SS18: variants seen among roughly 807,000 people sequenced by gnomAD.
The protein encoded by SS18 is SS18 subunit of BAF chromatin remodeling complex.
A neutral mutation model predicts 72.5 loss-of-function variants in SS18; 28 were observed. That is an observed-to-expected ratio of 0.39 (90% CI 0.29 to 0.53). The LOEUF (loss-of-function observed/expected upper bound fraction) is 0.53. Among genes scored for constraint, SS18 ranks in the 20% least tolerant of loss-of-function variants. The pLI is 0.76. For synonymous variants in SS18, 172 were observed against 164.2 expected (o/e 1.05, Z -0.37); for missense variants, 518 against 535.3 (o/e 0.97, Z 0.32).
chr18:26,065,813 ATATATATATATG>A (rs1249130010), intron 3 of SS18, among the ~76,000 whole-genome samples: 1 of 114,282 alleles, frequency 8.8e-6, no homozygotes, highest in Non-Finnish European at 1.7e-5. Flanking sequence ...ATATATATAT[ATATATATATATG>A]ATCATTTTAA....
In SS18 at chr18:26,052,849, T is replaced by G. The variant is rs199647430; in HGVS notation, c.386-4A>C. On this transcript the variant is annotated splice_region_variant and splice_polypyrimidine_tract_variant and intron_variant, in intron 4 of 10. Transcript: ENST00000415083. Reference sequence around the variant, plus strand: ...TGCATAGGCATATGGTTAGGCCCTTTGAAGAAAAATGATCAGAAGCAAAAT... The same window carrying G: ...TGCATAGGCATATGGTTAGGCCCTTGGAAGAAAAATGATCAGAAGCAAAAT... 2 of 1,609,190 alleles carry G rather than the reference T, an allele frequency of 1.2e-6. No homozygotes were observed. Among genetic ancestry groups the G allele is most frequent in the Middle Eastern group, 3.3e-4 (2 of 6,046 alleles).
At chr18:26,080,761 T>C (rs1259710145) in intron 2 of SS18, among the ~76,000 whole-genome samples, 9 of 152,140 alleles carry the variant, frequency 5.9e-5, no homozygotes, top group Admixed American at 2.0e-4. Context: ...ACCACATTTT[T>C]CCTATCATCT....
chr18:26,027,964 A>G (rs933580301), intron 10 of SS18, among the ~76,000 whole-genome samples: 14 of 152,102 alleles, frequency 9.2e-5, no homozygotes, highest in African/African-American at 3.4e-4. Flanking sequence ...ACTAAGCTTC[A>G]TCAAAATTTA....
At chr18:26,053,627 C>T (rs561287408) in intron 4 of SS18, among the ~76,000 whole-genome samples, 51 of 152,092 alleles carry the variant, frequency 3.4e-4, no homozygotes, top group African/African-American at 1.2e-3. Context: ...AAGACCACCA[C>T]CAGTAAAAGA....
At chr18:26,039,188 AAAAAAAAG>A in intron 6 of SS18, 93 bp downstream of exon 6, 3 of 912,282 alleles carry the variant, frequency 3.3e-6, no homozygotes, top group Admixed American at 3.0e-5. Flanking sequence ...AAAAAAAAAA[AAAAAAAAG>A]AAAACGCCCT....
chr18:26,052,332 T>C (rs1476185045), intron 5 of SS18, among the ~76,000 whole-genome samples: 1 of 152,216 alleles, frequency 6.6e-6, no homozygotes, highest in Non-Finnish European at 1.5e-5. Flanking sequence ...CTCAACTTTC[T>C]AGCTAAACCA....
At chr18:26,070,983 A>G (rs964514286) in intron 3 of SS18, among the ~76,000 whole-genome samples, 2 of 152,172 alleles carry the variant, frequency 1.3e-5, no homozygotes, top group African/African-American at 2.4e-5. Context: ...AGAAAAATAT[A>G]TATTAGGAAC....
intron 5 of SS18, among the ~76,000 whole-genome samples, chr18:26,050,658 T>C (rs1048993174): frequency 6.6e-5 from 10 of 152,120 alleles, no homozygotes; most frequent in Admixed American, 5.9e-4. Context: ...GATTCTGAAA[T>C]ATCAAAATTT....
chr18:26,066,600 GCACACACACA>G (rs35011668), intron 3 of SS18, among the ~76,000 whole-genome samples: 10 of 144,332 alleles, frequency 6.9e-5, no homozygotes, highest in East Asian at 2.0e-4. Flanking sequence ...GGAAATTTGT[GCACACACACA>G]CACACACACA....
At chr18:26,019,941 T>C (rs2053318880) in intron 10 of SS18, among the ~76,000 whole-genome samples, 1 of 152,074 alleles carries the variant, frequency 6.6e-6, no homozygotes, top group Admixed American at 6.6e-5. Flanking sequence ...TAAAATACTC[T>C]GAAAAAAATA....
intron 2 of SS18, chr18:26,080,357 G>C: frequency 1.0e-6 from 1 of 985,344 alleles, no homozygotes; most frequent in East Asian, 1.1e-4. Flanking sequence ...TAGTATGGTT[G>C]CACGACATGA....
intron 1 of SS18, chr18:26,089,715 C>T (rs913382718): frequency 6.6e-6 from 1 of 152,216 alleles, no homozygotes; most frequent in Non-Finnish European, 1.5e-5. Flanking sequence ...CAGCTCTATC[C>T]TTTAAAAAGG....
Position 26,017,404 on chromosome 18 carries a change from A to G in SS18, c.*950T>C. On this transcript the variant is annotated 3_prime_UTR_variant, in exon 11 of 11. Transcript: ENST00000415083. Reference sequence around the variant, plus strand: ...ATTACAAAATAAAATGACTGGATCAATGTTGACTCTTCTTTGATATCATTT... The same window carrying G: ...ATTACAAAATAAAATGACTGGATCAGTGTTGACTCTTCTTTGATATCATTT... 1 of 192,832 alleles carries G rather than the reference A, an allele frequency of 5.2e-6. No homozygotes were observed. The allele number at this position is 192,832 out of a possible 1,614,324, so 11.9% of individuals were successfully genotyped here.
At chr18:26,082,881 T>TA (rs936382207) in intron 2 of SS18, among the ~76,000 whole-genome samples, 75 of 151,672 alleles carry the variant, frequency 4.9e-4, no homozygotes, top group Admixed American at 7.9e-4. Context: ...ATTTTTAATT[T>TA]AAAAAAAAAC....
chr18:26,021,004 T>C (rs1182728631), intron 10 of SS18, among the ~76,000 whole-genome samples: 1 of 152,192 alleles, frequency 6.6e-6, no homozygotes, highest in East Asian at 1.9e-4. Flanking sequence ...TGTCCATCTA[T>C]ATATAGTAAA....
chr18:26,036,420 A>G (rs972551657), intron 7 of SS18, among the ~76,000 whole-genome samples: 1 of 152,228 alleles, frequency 6.6e-6, no homozygotes, highest in South Asian at 2.1e-4. Context: ...ATTTACTTGC[A>G]TAAAGTTAAG....
chr18:26,065,824 T>TATATA (rs10527527), intron 3 of SS18, among the ~76,000 whole-genome samples: 5 of 136,726 alleles, frequency 3.7e-5, no homozygotes, highest in African/African-American at 5.3e-5. Flanking sequence ...TATATATATA[T>TATATA]GATCATTTTA....
chr18:26,076,414 T>A (rs535528597), intron 3 of SS18, among the ~76,000 whole-genome samples: 1 of 151,878 alleles, frequency 6.6e-6, no homozygotes, highest in African/African-American at 2.4e-5. Flanking sequence ...ACAAAATATC[T>A]TGTTTTTCCA....
At chr18:26,030,878 C>T (rs564368767) in intron 10 of SS18, among the ~76,000 whole-genome samples, 22 of 151,824 alleles carry the variant, frequency 1.4e-4, no homozygotes, top group East Asian at 9.7e-4. Flanking sequence ...TCAATGTAAA[C>T]GCGAGAGGAA....
Sources: allele counts gnomAD v4.1 joint callset (sites outside exome capture counted in the v4.1 genomes callset), GRCh38; gene constraint gnomAD v4.1.1; transcripts MANE v1.5; gene names NCBI Gene and HGNC (gene_info 2026-07-23, HGNC 2026-07-21).